The following CNTN5 variants were observed in gnomAD, a reference collection of about 807,000 sequenced individuals.
CNTN5 encodes the protein contactin-5.
CNTN5 carries 77 observed loss-of-function variants against 129.1 expected under a neutral mutation model. The observed-to-expected ratio is 0.60, with a 90% CI of 0.50 to 0.72. The LOEUF (loss-of-function observed/expected upper bound fraction) is 0.72, where lower values mean the gene tolerates loss of function less well. Ranked by LOEUF, CNTN5 falls within the 30% of genes least tolerant of loss-of-function variation. The pLI is 0.00. For missense variants in CNTN5, 1,478 were observed against 1,328.8 expected (o/e 1.11, Z -1.75); for synonymous variants, 509 against 465.6 (o/e 1.09, Z -1.20).
intron 9 of CNTN5, among the ~76,000 whole-genome samples, chr11:100,019,174 T>TG (rs1940989563): frequency 2.0e-5 from 3 of 151,524 alleles, no homozygotes; most frequent in Admixed American, 6.6e-5. Flanking sequence ...TTCAATTTTT[T>TG]GTGGGGATTG....
intron 2 of CNTN5, among the ~76,000 whole-genome samples, chr11:99,483,434 T>C (rs1261406607): frequency 6.6e-6 from 1 of 152,084 alleles, no homozygotes; most frequent in Non-Finnish European, 1.5e-5. Context: ...ACCAGTTGAG[T>C]GCTCCTAGAA....
At chr11:99,620,182 G>C (rs551559459) in intron 3 of CNTN5, among the ~76,000 whole-genome samples, 1 of 152,168 alleles carries the variant, frequency 6.6e-6, no homozygotes, top group African/African-American at 2.4e-5. Flanking sequence ...AAAGTATTTG[G>C]CTGCAGAAGC....
At chr11:100,290,525 A>C (rs1269783404) in intron 18 of CNTN5, among the ~76,000 whole-genome samples, 1 of 144,150 alleles carries the variant, frequency 6.9e-6, no homozygotes, top group African/African-American at 2.6e-5. Context: ...CCTATTTAAT[A>C]AATGGTGCTG....
At chr11:100,316,162 G>A (rs1009339402) in intron 21 of CNTN5, among the ~76,000 whole-genome samples, 1 of 152,154 alleles carries the variant, frequency 6.6e-6, no homozygotes, top group Non-Finnish European at 1.5e-5. Flanking sequence ...TGCCAGTCTG[G>A]CAAGAAGGGA....
At chr11:99,100,491 A>G (rs1274367879) in intron 1 of CNTN5, among the ~76,000 whole-genome samples, 1 of 152,120 alleles carries the variant, frequency 6.6e-6, no homozygotes, top group East Asian at 1.9e-4. Flanking sequence ...TATATTAAAT[A>G]TTGTAATTTT....
rs559366731 is a variant in CNTN5, at chr11:99,742,214, A to G, written c.56-77330A>G. ...CCAGCTCAGTCTCTTGTGAATGTGG[A>G]TAAGTCAGTTTAAATTCTAAGTTCA... On this transcript the variant is annotated intron_variant, in intron 3 of 24. Transcript: ENST00000524871. 3.9e-5 allele frequency among the ~76,000 whole-genome samples: 6 copies of G among 152,310 alleles called. No homozygotes were observed. In the South Asian group the frequency reaches 1.2e-3, roughly 32 times the overall value.
intron 4 of CNTN5, among the ~76,000 whole-genome samples, chr11:99,828,982 A>G (rs1467724764): frequency 2.0e-5 from 3 of 152,122 alleles, no homozygotes; most frequent in Non-Finnish European, 4.4e-5. Flanking sequence ...TTTATTATTT[A>G]TCATAGTAGT....
chr11:99,578,216 TC>T (rs1428927596), intron 3 of CNTN5, among the ~76,000 whole-genome samples: 1 of 152,084 alleles, frequency 6.6e-6, no homozygotes, highest in African/African-American at 2.4e-5. Flanking sequence ...ATTTTCTTAA[TC>T]CAGTCTATCA....
intron 13 of CNTN5, among the ~76,000 whole-genome samples, chr11:100,169,291 G>T (rs1046670802): frequency 6.6e-6 from 1 of 152,010 alleles, no homozygotes. Context: ...ATGCTACAGA[G>T]AAATCTTTCA....
At chr11:99,415,839 G>A (rs564484387) in intron 2 of CNTN5, among the ~76,000 whole-genome samples, 65 of 152,232 alleles carry the variant, frequency 4.3e-4, no homozygotes, top group Middle Eastern at 6.8e-3. Flanking sequence ...AATGGTAGAG[G>A]GGGCATCAAT....
intron 3 of CNTN5, among the ~76,000 whole-genome samples, chr11:99,646,984 T>C (rs1951988667): frequency 6.6e-6 from 1 of 152,102 alleles, no homozygotes; most frequent in Admixed American, 6.6e-5. Flanking sequence ...CATTCTGTAG[T>C]TGTCTTTTTA....
intron 9 of CNTN5, among the ~76,000 whole-genome samples, chr11:100,046,258 A>G (rs1185986696): frequency 1.3e-5 from 2 of 152,164 alleles, no homozygotes; most frequent in Admixed American, 1.3e-4. Flanking sequence ...GATTAATAGA[A>G]AAAACAATTA....
At chr11:100,249,537 G>A (rs953786031) in intron 16 of CNTN5, among the ~76,000 whole-genome samples, 4 of 152,230 alleles carry the variant, frequency 2.6e-5, no homozygotes, top group African/African-American at 9.6e-5. Flanking sequence ...AAAAACAGTT[G>A]TCAGATTACT....
chr11:99,175,729 T>C (rs1857738093), intron 1 of CNTN5, among the ~76,000 whole-genome samples: 1 of 152,040 alleles, frequency 6.6e-6, no homozygotes, highest in Admixed American at 6.6e-5. Context: ...CTGCAAAAAT[T>C]ATAGAGGGGT....
At chr11:99,844,738 T>C in intron 4 of CNTN5, 114 bp from the exon 5 acceptor site, 1 of 956,272 alleles carries the variant, frequency 1.0e-6, no homozygotes, top group Admixed American at 2.7e-5. Flanking sequence ...AATTTACCTG[T>C]TGATTACAAG....
intron 7 of CNTN5, among the ~76,000 whole-genome samples, chr11:99,917,091 A>G (rs1949810490): frequency 6.6e-6 from 1 of 152,068 alleles, no homozygotes; most frequent in Non-Finnish European, 1.5e-5. Flanking sequence ...AGACTTCTTT[A>G]TCTTTATCTG....
At chr11:100,317,490 A>G (rs1951593823) in intron 21 of CNTN5, among the ~76,000 whole-genome samples, 1 of 152,220 alleles carries the variant, frequency 6.6e-6, no homozygotes, top group Admixed American at 6.5e-5. Context: ...AAACAATAAG[A>G]AAAAATAAAA....
intron 1 of CNTN5, among the ~76,000 whole-genome samples, chr11:99,181,077 C>G (rs1263865605): frequency 2.6e-5 from 4 of 152,136 alleles, no homozygotes; most frequent in Non-Finnish European, 2.9e-5. Context: ...GTACCGGTGG[C>G]AGGGGAGAAT....
chr11:100,089,193 T>C (rs1342697413), intron 13 of CNTN5, among the ~76,000 whole-genome samples: 1 of 152,120 alleles, frequency 6.6e-6, no homozygotes, highest in African/African-American at 2.4e-5. Flanking sequence ...TGTTTTTTTC[T>C]TGTAAATTTA....
Sources: allele counts gnomAD v4.1 joint callset (sites outside exome capture counted in the v4.1 genomes callset), GRCh38; gene constraint gnomAD v4.1.1; transcripts MANE v1.5; gene names NCBI Gene and HGNC (gene_info 2026-07-23, HGNC 2026-07-21).